The following PTPRD variants were observed in gnomAD, a reference collection of about 807,000 sequenced individuals.
PTPRD encodes receptor-type tyrosine-protein phosphatase delta.
Under a neutral mutation model 214.5 loss-of-function variants are expected in PTPRD, and 34 were observed. The observed-to-expected ratio is 0.16, with a 90% CI of 0.12 to 0.21. The LOEUF (loss-of-function observed/expected upper bound fraction) is 0.21. Among genes scored for constraint, PTPRD ranks in the 10% least tolerant of loss-of-function variants. The probability of loss-of-function intolerance (pLI) is 1.00; values close to 1 mark genes in which losing one functional copy is unlikely to be tolerated. For synonymous variants in PTPRD, 1,128 were observed against 845.7 expected (o/e 1.33, Z -5.79); for missense variants, 2,545 against 2,398.7 (o/e 1.06, Z -1.27).
intron 11 of PTPRD, among the ~76,000 whole-genome samples, chr9:8,945,405 C>A (rs1479158012): frequency 6.6e-6 from 1 of 152,066 alleles, no homozygotes; most frequent in East Asian, 1.9e-4. Context: ...TTTCACTTTT[C>A]CGTTTTTACT....
At chr9:8,332,715 G>C (rs1019059270) in intron 43 of PTPRD, among the ~76,000 whole-genome samples, 1 of 152,106 alleles carries the variant, frequency 6.6e-6, no homozygotes, top group African/African-American at 2.4e-5. Flanking sequence ...GTGGAAGGGA[G>C]CCTCTGTTTA....
At chr9:9,910,677 T>C (rs1022312217) in intron 5 of PTPRD, among the ~76,000 whole-genome samples, 1 of 152,050 alleles carries the variant, frequency 6.6e-6, no homozygotes, top group Non-Finnish European at 1.5e-5. Context: ...ATGCATTATA[T>C]ATAGATGTAT....
chr9:9,647,952 C>G (rs1483751573), intron 7 of PTPRD, among the ~76,000 whole-genome samples: 1 of 152,126 alleles, frequency 6.6e-6, no homozygotes, highest in African/African-American at 2.4e-5. Flanking sequence ...CATACTCTTT[C>G]TTTTGTTGAA....
intron 6 of PTPRD, among the ~76,000 whole-genome samples, chr9:9,760,973 A>G (rs919890625): frequency 1.3e-5 from 2 of 152,224 alleles, no homozygotes; most frequent in Non-Finnish European, 2.9e-5. Flanking sequence ...TGGTACAGCT[A>G]CACTGAAAAA....
intron 22 of PTPRD, among the ~76,000 whole-genome samples, chr9:8,505,838 T>C (rs967214780): frequency 1.3e-5 from 2 of 152,136 alleles, no homozygotes; most frequent in African/African-American, 4.8e-5. Flanking sequence ...CTTTACTCTT[T>C]GTATATATGT....
chr9:10,351,964 A>T (rs2097191045), intron 2 of PTPRD, among the ~76,000 whole-genome samples: 1 of 152,022 alleles, frequency 6.6e-6, no homozygotes, highest in African/African-American at 2.4e-5. Context: ...AGTATTAGCT[A>T]TGTATGCCAA....
chr9:8,929,908 T>TGTGTATATAC (rs1567065225), intron 11 of PTPRD, among the ~76,000 whole-genome samples: 4 of 44,528 alleles, frequency 9.0e-5, no homozygotes, highest in African/African-American at 1.9e-4. Context: ...TGTGTATATA[T>TGTGTATATAC]ATGTGTGTGT....
At chr9:8,389,962 G>C (rs752807230) in intron 36 of PTPRD, among the ~76,000 whole-genome samples, 2 of 152,154 alleles carry the variant, frequency 1.3e-5, no homozygotes, top group Non-Finnish European at 2.9e-5. Flanking sequence ...AGAAGTTAAA[G>C]AAACTTGAGC....
intron 11 of PTPRD, among the ~76,000 whole-genome samples, chr9:8,858,634 GC>G (rs1324879847): frequency 6.6e-6 from 1 of 152,160 alleles, no homozygotes; most frequent in Non-Finnish European, 1.5e-5. Context: ...TTGTGTGTGC[GC>G]GTTGCCTGCG....
intron 6 of PTPRD, among the ~76,000 whole-genome samples, chr9:9,760,599 TACACACAC>T (rs146209140): frequency 0.068 from 7,337 of 107,656 alleles, 271 homozygotes; most frequent in African/African-American, 0.12. Flanking sequence ...TCAGCTATCA[TACACACAC>T]ACACACACAC....
At chr9:9,382,288 T>G (rs367563339) in intron 9 of PTPRD, among the ~76,000 whole-genome samples, 108 of 152,244 alleles carry the variant, frequency 7.1e-4, no homozygotes, top group African/African-American at 2.5e-3. Flanking sequence ...GGGAAAAACT[T>G]CTTGACATTG....
intron 8 of PTPRD, among the ~76,000 whole-genome samples, chr9:9,459,905 CA>C (rs1300890622): frequency 2.6e-5 from 4 of 151,806 alleles, no homozygotes; most frequent in Non-Finnish European, 5.9e-5. Context: ...TAAGCAAAAA[CA>C]ACAAAGACAG....
chr9:9,647,282 C>A (rs1292722943), intron 7 of PTPRD, among the ~76,000 whole-genome samples: 2 of 152,130 alleles, frequency 1.3e-5, no homozygotes, highest in South Asian at 2.1e-4. Flanking sequence ...AAATTAAAGA[C>A]AATTTATTTG....
chr9:8,476,730 A>T (rs1279201970), intron 30 of PTPRD, among the ~76,000 whole-genome samples: 2 of 152,164 alleles, frequency 1.3e-5, no homozygotes, highest in Non-Finnish European at 2.9e-5. Flanking sequence ...ACATTTGCTT[A>T]ACTTTGCTAT....
chr9:8,577,736 T>C (rs992507454), intron 14 of PTPRD, among the ~76,000 whole-genome samples: 3 of 152,186 alleles, frequency 2.0e-5, no homozygotes, highest in Non-Finnish European at 2.9e-5. Flanking sequence ...GCAGTAGCTA[T>C]AAATGATGGT....
intron 9 of PTPRD, among the ~76,000 whole-genome samples, chr9:9,382,550 C>T (rs2062651083): frequency 6.6e-6 from 1 of 151,978 alleles, no homozygotes; most frequent in African/African-American, 2.4e-5. Context: ...AGACAACATT[C>T]AAACAACCAC....
At chr9:8,987,366 A>G (rs2099349704) in intron 11 of PTPRD, among the ~76,000 whole-genome samples, 1 of 152,076 alleles carries the variant, frequency 6.6e-6, no homozygotes, top group Non-Finnish European at 1.5e-5. Flanking sequence ...TATTTCCAGC[A>G]GGAGCATGCG....
At chr9:9,673,655 G>A (rs1247152795) in intron 7 of PTPRD, among the ~76,000 whole-genome samples, 1 of 151,230 alleles carries the variant, frequency 6.6e-6, no homozygotes, top group Non-Finnish European at 1.5e-5. Flanking sequence ...AAATATTTCT[G>A]TATCAATGAA....
intron 9 of PTPRD, among the ~76,000 whole-genome samples, chr9:9,183,864 T>A (rs4740971): frequency 0.61 from 91,970 of 151,546 alleles, 27,931 homozygotes; most frequent in East Asian, 0.71. Flanking sequence ...CGAATTAGCA[T>A]GGAAAATTCC....
Sources: gnomAD v4.1 joint callset for allele counts (sites outside exome capture counted in the v4.1 genomes callset) on GRCh38, gnomAD v4.1.1 for gene constraint, MANE v1.5 for transcripts, NCBI Gene and HGNC (gene_info 2026-07-23, HGNC 2026-07-21) for gene names.